The following TTLL11 variants were observed in gnomAD, a reference collection of about 807,000 sequenced individuals.
The protein encoded by TTLL11 is tubulin polyglutamylase TTLL11.
TTLL11 carries 42 observed loss-of-function variants against 51.7 expected under a neutral mutation model. The observed-to-expected ratio is 0.81, with a 90% confidence interval of 0.64 to 1.05. TTLL11 has a LOEUF of 1.05. TTLL11 is among the 50% of genes least tolerant of loss of function. The probability of loss-of-function intolerance (pLI) is 0.00; values close to 1 mark genes in which losing one functional copy is unlikely to be tolerated. For synonymous variants in TTLL11, 381 were observed against 383.5 expected (o/e 0.99, Z 0.08); for missense variants, 799 against 940.4 (o/e 0.85, Z 1.97).
chr9:121,872,939 A>C (rs1048129587), intron 6 of TTLL11, among the ~76,000 whole-genome samples: 1 of 152,182 alleles, frequency 6.6e-6, no homozygotes, highest in Non-Finnish European at 1.5e-5. Flanking sequence ...AAGACAGTAA[A>C]TATCAGGTGG....
At chr9:121,936,265 CTT>C (rs879342434) in intron 6 of TTLL11, among the ~76,000 whole-genome samples, 3 of 82,284 alleles carry the variant, frequency 3.6e-5, no homozygotes, top group Non-Finnish European at 2.4e-5. Context: ...TTCTTTCTTT[CTT>C]TTTTTTTTTT....
chr9:121,997,290 A>G (rs1588188989), intron 3 of TTLL11, among the ~76,000 whole-genome samples: 1 of 152,058 alleles, frequency 6.6e-6, no homozygotes, highest in African/African-American at 2.4e-5. Flanking sequence ...CCCTTCTCAC[A>G]CCCTGCCCCT....
intron 3 of TTLL11, among the ~76,000 whole-genome samples, chr9:122,022,786 A>C (rs889373745): frequency 6.6e-6 from 1 of 152,048 alleles, no homozygotes; most frequent in African/African-American, 2.4e-5. Flanking sequence ...GTTGATTGTT[A>C]AAACAAAAAT....
intron 7 of TTLL11, among the ~76,000 whole-genome samples, chr9:121,865,238 T>C (rs569641647): frequency 6.6e-6 from 1 of 152,150 alleles, no homozygotes; most frequent in East Asian, 1.9e-4. Context: ...CCACGTTGCC[T>C]CTCAGAGAAT....
At chr9:121,978,432 G>T (rs1842761623) in intron 4 of TTLL11, among the ~76,000 whole-genome samples, 1 of 151,496 alleles carries the variant, frequency 6.6e-6, no homozygotes, top group African/African-American at 2.4e-5. Flanking sequence ...GATAAACTGG[G>T]GTTCCCAAGG....
chr9:121,866,785 G>C (rs540924855), intron 7 of TTLL11, among the ~76,000 whole-genome samples: 2 of 152,296 alleles, frequency 1.3e-5, no homozygotes, highest in African/African-American at 4.8e-5. Flanking sequence ...AGGGAGCAGG[G>C]AGAGGGGCTC....
At chr9:122,055,203 G>GGATAGATAGATAGATAGATAGATA (rs1222958113) in intron 1 of TTLL11, among the ~76,000 whole-genome samples, 64 of 144,652 alleles carry the variant, frequency 4.4e-4, no homozygotes, top group East Asian at 1.0e-3. Flanking sequence ...AGGACTAATA[G>GGATAGATAGATAGATAGATAGATA]GATAGATAGA....
intron 8 of TTLL11, among the ~76,000 whole-genome samples, chr9:121,858,619 G>T (rs1256978455): frequency 1.3e-5 from 2 of 152,222 alleles, no homozygotes; most frequent in Non-Finnish European, 2.9e-5. Context: ...GCCCACATGG[G>T]TGTAGGGCAG....
At chr9:121,855,473 T>C (rs969481738) in intron 8 of TTLL11, among the ~76,000 whole-genome samples, 2 of 152,232 alleles carry the variant, frequency 1.3e-5, no homozygotes, top group Non-Finnish European at 2.9e-5. Context: ...AGGTTATTTT[T>C]GTTCTTAAAG....
rs1837727996 is a variant in TTLL11, at chr9:121,853,508, T to G, written c.1840+6829A>C. 1.3e-5 allele frequency among the ~76,000 whole-genome samples: 2 copies of G among 151,160 alleles called. No individual in the cohort carries two copies. Among genetic ancestry groups the G allele is most frequent in the African/African-American group, 4.9e-5 (2 of 41,086 alleles). On this transcript the variant is annotated intron_variant, in intron 8 of 8. Transcript: ENST00000321582. The surrounding 1 kb of genome is among the most constrained non-coding windows in gnomAD (Gnocchi z 5.6). ...GGCCGGCCATTCTGGCTGGAGTGAG[T>G]GTGAGGCTAGTGATGAGTGGGGATG...
chr9:122,005,061 A>G (rs1843602929), intron 3 of TTLL11, among the ~76,000 whole-genome samples: 1 of 152,212 alleles, frequency 6.6e-6, no homozygotes. Context: ...GAGGACAGAA[A>G]GGAGGATGAG....
At position 122,093,294 on chromosome 9, in the gene TTLL11, T is replaced by C. The variant is rs770423507; in HGVS notation, c.-146A>G. ...GTTGCCATGATCGCTCAGGCTCGGG[T>C]TGACAGCGGCAGTCACCGCATCGAG... is the stretch of plus-strand genomic sequence containing the variant. On this transcript the variant is annotated 5_prime_UTR_variant, in exon 1 of 9. Transcript: ENST00000321582. 22 of 1,574,298 alleles carry C rather than the reference T, an allele frequency of 1.4e-5. No homozygotes were observed. The highest frequency in any genetic ancestry group is 8.3e-5 in the African/African-American group (6 of 72,164).
At chr9:121,968,817 AC>A (rs200838026) in intron 6 of TTLL11, among the ~76,000 whole-genome samples, 2,069 of 150,986 alleles carry the variant, frequency 0.014, 45 homozygotes, top group African/African-American at 0.048. Context: ...TGAGTGGTAA[AC>A]TCAGCATTAT....
intron 3 of TTLL11, among the ~76,000 whole-genome samples, chr9:122,021,870 CAG>C (rs555865981): frequency 6.6e-5 from 10 of 151,992 alleles, no homozygotes; most frequent in Non-Finnish European, 1.5e-4. Context: ...TCAGAATGGA[CAG>C]AGTTAGAATT....
intron 6 of TTLL11, among the ~76,000 whole-genome samples, chr9:121,892,192 A>G (rs1289573009): frequency 2.7e-5 from 1 of 36,898 alleles, no homozygotes; most frequent in Non-Finnish European, 5.6e-5. Context: ...ACACACATAT[A>G]TATACATATA....
intron 8 of TTLL11, among the ~76,000 whole-genome samples, chr9:121,849,309 A>G (rs956967245): frequency 6.6e-6 from 1 of 152,252 alleles, no homozygotes; most frequent in Admixed American, 6.5e-5. Flanking sequence ...TTTCTAGATG[A>G]TAATATGGGA....
intron 6 of TTLL11, among the ~76,000 whole-genome samples, chr9:121,929,002 T>TA (rs1840858578): frequency 6.6e-6 from 1 of 152,188 alleles, no homozygotes; most frequent in Non-Finnish European, 1.5e-5. Context: ...CTCATTTGAA[T>TA]AAAAAACAAT....
rs368079587 is a variant in TTLL11 at position 122,031,714 on chromosome 9, G to A, written c.693+9C>T. ...AATTCAGGGGTCATGGGGACGGAGTGCCATCTACCTGAGCAACAAAGAGCT... is the reference window on the plus strand; with the variant it reads ...AATTCAGGGGTCATGGGGACGGAGTACCATCTACCTGAGCAACAAAGAGCT... On this transcript the variant is annotated intron_variant, in intron 3 of 8. Coordinates refer to ENST00000321582, the MANE Select transcript of TTLL11 (RefSeq NM_001139442.2). The A allele has an allele frequency of 1.2e-4, 196 of 1,611,812 alleles. No homozygotes were observed. The highest frequency in any genetic ancestry group is 1.6e-4 in the Non-Finnish European group (183 of 1,179,742).
intron 8 of TTLL11, among the ~76,000 whole-genome samples, 190 bp downstream of exon 8, chr9:121,860,147 C>T (rs1036974099): frequency 1.9e-4 from 29 of 152,298 alleles, no homozygotes; most frequent in African/African-American, 1.4e-4. Flanking sequence ...GGAATGCTAA[C>T]GGTGGTATGA....
Sources: gnomAD v4.1 joint callset for allele counts (sites outside exome capture counted in the v4.1 genomes callset) on GRCh38, gnomAD v4.1.1 for gene constraint, Gnocchi (gnomAD v3.1) non-coding constraint, MANE v1.5 for transcripts, NCBI Gene and HGNC (gene_info 2026-07-23, HGNC 2026-07-21) for gene names.